RXRG: variants seen among roughly 807,000 people sequenced by gnomAD.
RXRG encodes retinoic acid receptor RXR-gamma.
RXRG carries 19 observed loss-of-function variants against 49.2 expected under a neutral mutation model. The ratio of observed to expected loss-of-function variants is 0.39; its 90% CI spans 0.27 to 0.57. The LOEUF (loss-of-function observed/expected upper bound fraction) is 0.57. Ranked by LOEUF, RXRG falls within the 20% of genes least tolerant of loss-of-function variation. The pLI, the probability that RXRG is intolerant of heterozygous loss-of-function variation, is 0.64. For missense variants in RXRG, 452 were observed against 592.5 expected (o/e 0.76, Z 2.46); for synonymous variants, 224 against 216.6 (o/e 1.03, Z -0.30).
chr1:165,430,301 C>T (rs1220422685), intron 1 of RXRG, among the ~76,000 whole-genome samples: 3 of 152,216 alleles, frequency 2.0e-5, no homozygotes, highest in African/African-American at 7.2e-5. Flanking sequence ...GTGCCTACTA[C>T]ATGCAAGGCA....
Position 165,424,895 on chromosome 1 carries a change from T to C in RXRG, c.297+3824A>G, listed in dbSNP as rs549937928. ...CTGTAGCTAACACCAAGGCCTTTTTTCCAGTGTCATCTCGTTAACCGAGCA... is the reference window on the plus strand; with the variant it reads ...CTGTAGCTAACACCAAGGCCTTTTTCCCAGTGTCATCTCGTTAACCGAGCA... On this transcript the variant is annotated intron_variant, in intron 2 of 9. Transcript: ENST00000359842. The C allele has an allele frequency of 1.6e-5, 16 of 985,538 alleles. No homozygotes were observed. In the Admixed American group the frequency reaches 3.7e-4, roughly 23 times the overall value. The allele number at this position is 985,538 out of a possible 1,614,324, so 61.0% of individuals were successfully genotyped here. A position where few individuals can be genotyped will look rare whatever the true frequency, so the allele number is the denominator to read the frequency against.
intron 1 of RXRG, among the ~76,000 whole-genome samples, chr1:165,434,794 C>T (rs2101742409): frequency 6.6e-6 from 1 of 152,326 alleles, no homozygotes; most frequent in South Asian, 2.1e-4. Context: ...GATTCTCAGA[C>T]ACCTGGCTTG....
At position 165,410,779 on chromosome 1, in the gene RXRG, G is replaced by C; in HGVS notation, c.836C>G (p.Thr279Ser). ...AATACGCTTGGCCCATTCAACGAGG[G>C]TGAAAAGCTGCTTGTCAGCAGCATG... ...ICHAADKQLF[T>S]LVEWAKRIPH... Residue 279 changes from threonine to serine, a missense_variant, in exon 6 of 10, where the codon ACC (threonine) becomes AGC (serine). Thr to Ser is a moderately conservative substitution (Grantham distance 58). Around this residue, in one of 2 missense-constraint regions of RXRG, gnomAD observed 286 missense variants for 440.9 expected, o/e 0.65. Coordinates refer to ENST00000359842, the MANE Select transcript of RXRG (RefSeq NM_006917.5). 6.2e-7 allele frequency: 1 copy of C among 1,614,166 alleles called. No homozygotes were observed. The highest frequency in any genetic ancestry group is 8.5e-7 in the Non-Finnish European group (1 of 1,180,014).
At chr1:165,402,628 AC>A (rs1333247164) in intron 9 of RXRG, among the ~76,000 whole-genome samples, 1 of 151,850 alleles carries the variant, frequency 6.6e-6, no homozygotes, top group Non-Finnish European at 1.5e-5. Flanking sequence ...TTACACTGTC[AC>A]ATTCCCTTGC....
chr1:165,425,626 G>A (rs1243694148), intron 2 of RXRG, among the ~76,000 whole-genome samples: 1 of 152,186 alleles, frequency 6.6e-6, no homozygotes, highest in Non-Finnish European at 1.5e-5. Flanking sequence ...ACATTATGAA[G>A]CATAGGGTAT....
At chr1:165,437,495 G>T (rs1252406429) in intron 1 of RXRG, among the ~76,000 whole-genome samples, 1 of 152,196 alleles carries the variant, frequency 6.6e-6, no homozygotes, top group African/African-American at 2.4e-5. Context: ...TAGGAATATA[G>T]TTCGCTGTAT....
In RXRG at chr1:165,413,739, C is replaced by T. The variant is rs77020192; in HGVS notation, c.623-2630G>A. On this transcript the variant is annotated intron_variant, in intron 4 of 9. Transcript: ENST00000359842. ...AGGTGGCCCACTAATCAGAGGGTCCCAGTCCTATACAGGGTCTGCCATGTG... is the reference window on the plus strand; with the variant it reads ...AGGTGGCCCACTAATCAGAGGGTCCTAGTCCTATACAGGGTCTGCCATGTG... Among the ~76,000 whole-genome samples the T allele has an allele frequency of 4.2e-3, 646 of 152,282 alleles. 2 individuals are homozygous for T. Among genetic ancestry groups the T allele is most frequent in the South Asian group, 0.021 (100 of 4,816 alleles).
chr1:165,428,893 G>A lies in RXRG; in HGVS notation c.123C>T (p.Ser41=). Residue 41 remains serine, a synonymous_variant, in exon 2 of 10, where the codon AGC becomes AGT. Coordinates refer to ENST00000359842, the MANE Select transcript of RXRG (RefSeq NM_006917.5). ...AALSTGKPMD[S]HPSYTDTPVS... ...CTGGGGTATCTGTGTAGCTGGGGTGGCTGTCCATTGGCTTCCCTGTGGACA... is the reference window on the plus strand; with the variant it reads ...CTGGGGTATCTGTGTAGCTGGGGTGACTGTCCATTGGCTTCCCTGTGGACA... The A allele has an allele frequency of 1.2e-6, 2 of 1,613,990 alleles. No homozygotes were observed. The highest frequency in any genetic ancestry group is 1.7e-5 in the Admixed American group (1 of 60,016).
intron 1 of RXRG, among the ~76,000 whole-genome samples, chr1:165,434,778 T>G (rs1658777656): frequency 6.6e-6 from 1 of 152,194 alleles, no homozygotes; most frequent in South Asian, 2.1e-4. Context: ...GGCCCAACAA[T>G]GATAGGATTC....
chr1:165,435,960 C>T (rs548295880), intron 1 of RXRG, among the ~76,000 whole-genome samples: 2 of 152,304 alleles, frequency 1.3e-5, no homozygotes, highest in South Asian at 2.1e-4. Context: ...CTAGTGCACA[C>T]AGATGTGGCT....
intron 2 of RXRG, among the ~76,000 whole-genome samples, chr1:165,427,776 A>G (rs1030516059): frequency 2.6e-5 from 4 of 152,160 alleles, no homozygotes; most frequent in African/African-American, 7.2e-5. Flanking sequence ...CTGATGGAAT[A>G]TCAGTGGGCA....
chr1:165,415,377 G>T (rs1435838795), intron 4 of RXRG, among the ~76,000 whole-genome samples: 1 of 152,116 alleles, frequency 6.6e-6, no homozygotes, highest in Non-Finnish European at 1.5e-5. Context: ...TTTTTTCTGG[G>T]TGAGAAGGAA....
At chr1:165,407,203 C>T (rs1478876345) in intron 8 of RXRG, among the ~76,000 whole-genome samples, 4 of 152,210 alleles carry the variant, frequency 2.6e-5, no homozygotes, top group African/African-American at 7.2e-5. Context: ...GAAATATTAC[C>T]TGCACACATT....
At chr1:165,406,145 A>C (rs1252805452) in intron 9 of RXRG, among the ~76,000 whole-genome samples, 4 of 152,226 alleles carry the variant, frequency 2.6e-5, no homozygotes, top group Admixed American at 1.3e-4. Context: ...AGTTTTGAGA[A>C]TATCTTTTAA....
rs759609044 is a variant in RXRG, at chr1:165,429,000, G to T, written c.50-34C>A. 5.6e-6 allele frequency: 9 copies of T among 1,595,990 alleles called. No homozygotes were observed. The Admixed American group carries it at 1.5e-4, about 27-fold the overall frequency. ...AGAAGAATATAGATGGTGGGAGGTTGGGGAACATGGAAAGGGGCCCTGGGG... is the reference window on the plus strand; with the variant it reads ...AGAAGAATATAGATGGTGGGAGGTTTGGGAACATGGAAAGGGGCCCTGGGG... On this transcript the variant is annotated intron_variant, in intron 1 of 9. Coordinates refer to ENST00000359842, the MANE Select transcript of RXRG (RefSeq NM_006917.5).
intron 1 of RXRG, among the ~76,000 whole-genome samples, chr1:165,444,140 T>A (rs936941769): frequency 6.6e-6 from 1 of 152,152 alleles, no homozygotes; most frequent in Non-Finnish European, 1.5e-5. Context: ...GTGACTTGAA[T>A]CTTCAGTTTG....
chr1:165,432,709 G>T (rs1223335140), intron 1 of RXRG, among the ~76,000 whole-genome samples: 4 of 152,144 alleles, frequency 2.6e-5, no homozygotes, highest in Non-Finnish European at 5.9e-5. Flanking sequence ...ATTAAGCTAT[G>T]AACTAGGCAG....
chr1:165,434,272 A>ATGTGTGTG (rs1491272318), intron 1 of RXRG, among the ~76,000 whole-genome samples: 6,569 of 66,674 alleles, frequency 0.099, 239 homozygotes, highest in East Asian at 0.19. Context: ...AATGAATTGC[A>ATGTGTGTG]TGTGTGTATG....
intron 2 of RXRG, among the ~76,000 whole-genome samples, chr1:165,422,037 C>G (rs1658337336): frequency 6.6e-6 from 1 of 152,142 alleles, no homozygotes; most frequent in African/African-American, 2.4e-5. Flanking sequence ...ACGGCTCTGT[C>G]CCCAAGTCCT....
Sources: gnomAD v4.1 joint callset for allele counts (sites outside exome capture counted in the v4.1 genomes callset) on GRCh38, gnomAD v4.1.1 for gene constraint, gnomAD v4.1.1 regional missense constraint, MANE v1.5 for transcripts, NCBI Gene and HGNC (gene_info 2026-07-23, HGNC 2026-07-21) for gene names.